SLC4A8: variants seen among roughly 807,000 people sequenced by gnomAD.
SLC4A8 encodes the protein electroneutral sodium bicarbonate exchanger 1.
Under a neutral mutation model 125.0 loss-of-function variants are expected in SLC4A8, and 40 were observed. The observed-to-expected ratio is 0.32, with a 90% CI of 0.25 to 0.42. The LOEUF (loss-of-function observed/expected upper bound fraction) is 0.42. Ranked by LOEUF, SLC4A8 falls within the 10% of genes least tolerant of loss-of-function variation. SLC4A8 has a pLI of 1.00. For missense variants in SLC4A8, 863 were observed against 1,355.1 expected, an observed-to-expected ratio of 0.64 and a Z score of 5.70; for synonymous variants, 456 against 476.0, an observed-to-expected ratio of 0.96 and a Z score of 0.55.
In SLC4A8 at chr12:51,474,645, C is replaced by T. The variant is rs373334121; in HGVS notation, c.2010+198C>T. ...TGTTAAGGGAGAAGATTACCCTTCT[C>T]TTTTCTCCCCCCTACATCCTACCCA... is the stretch of plus-strand genomic sequence containing the variant. On this transcript the variant is annotated intron_variant, in intron 15 of 24. Transcript: ENST00000453097. 3.8e-5 allele frequency: 36 copies of T among 952,148 alleles called. No homozygotes were observed. In the African/African-American group the frequency reaches 5.1e-4, roughly 13 times the overall value. 59.0% of individuals were successfully genotyped at this position (952,148 alleles called of 1,614,324 possible). A position where few individuals can be genotyped will look rare whatever the true frequency, so the allele number is the denominator to read the frequency against.
intron 1 of SLC4A8, among the ~76,000 whole-genome samples, chr12:51,426,988 G>C (rs577691019): frequency 6.7e-5 from 10 of 149,400 alleles, no homozygotes; most frequent in Non-Finnish European, 1.2e-4. Context: ...GCCCAGGCTG[G>C]AGTGCAGTGG....
intron 1 of SLC4A8, among the ~76,000 whole-genome samples, chr12:51,394,005 T>C (rs1592132378): frequency 6.6e-6 from 1 of 152,310 alleles, no homozygotes; most frequent in East Asian, 1.9e-4. Flanking sequence ...GGCTGAACAC[T>C]CCCTGTACAG....
At position 51,513,006 on chromosome 12, in the gene SLC4A8, G is replaced by A. The variant is rs1938418950; in HGVS notation, c.*5568G>A. The A allele has an allele frequency of 6.6e-6, 1 of 152,226 alleles. No individual in the cohort carries two copies. Among genetic ancestry groups the A allele is most frequent in the South Asian group, 2.1e-4 (1 of 4,832 alleles). 9.4% of individuals were successfully genotyped at this position (152,226 alleles called of 1,614,324 possible). The stretch of plus-strand genomic sequence containing the variant: ...GGGAGATTTCAGAAACAGTTTGAGT[G>A]TTGGCAGACCAATGCCCTGATAAGC... On this transcript the variant is annotated 3_prime_UTR_variant, in exon 25 of 25. Coordinates refer to ENST00000453097, the MANE Select transcript of SLC4A8 (RefSeq NM_001039960.3).
At chr12:51,399,091 A>G (rs757255517) in intron 1 of SLC4A8, among the ~76,000 whole-genome samples, 33 of 152,198 alleles carry the variant, frequency 2.2e-4, no homozygotes, top group Non-Finnish European at 4.6e-4. Context: ...CACAAATTTC[A>G]TTAGGATTGA....
At chr12:51,401,502 G>A (rs1948391634) in intron 1 of SLC4A8, among the ~76,000 whole-genome samples, 1 of 152,178 alleles carries the variant, frequency 6.6e-6, no homozygotes, top group Non-Finnish European at 1.5e-5. Context: ...CCGATGGCGT[G>A]CCAGCGTGCT....
intron 1 of SLC4A8, among the ~76,000 whole-genome samples, chr12:51,434,589 C>A (rs1365670266): frequency 6.6e-6 from 1 of 152,168 alleles, no homozygotes; most frequent in Non-Finnish European, 1.5e-5. Context: ...AGGAAACTAA[C>A]AAACAGCAAG....
At chr12:51,475,972 A>C (rs1424104754) in intron 16 of SLC4A8, among the ~76,000 whole-genome samples, 1 of 152,230 alleles carries the variant, frequency 6.6e-6, no homozygotes, top group Non-Finnish European at 1.5e-5. Context: ...CATATCAAAA[A>C]TATAAAAGGA....
intron 1 of SLC4A8, among the ~76,000 whole-genome samples, chr12:51,398,202 C>A (rs1948302282): frequency 6.6e-6 from 1 of 152,176 alleles, no homozygotes; most frequent in Non-Finnish European, 1.5e-5. Context: ...AGTTTATGAT[C>A]CTCAGAAAAG....
intron 2 of SLC4A8, chr12:51,441,206 C>T (rs541884943): frequency 2.0e-6 from 2 of 982,532 alleles, no homozygotes; most frequent in South Asian, 9.4e-5. Context: ...CTATTTTTAC[C>T]CCATTTCCAA....
At chr12:51,439,733 A>G (rs1361251191) in intron 1 of SLC4A8, among the ~76,000 whole-genome samples, 1 of 152,232 alleles carries the variant, frequency 6.6e-6, no homozygotes. Flanking sequence ...CTTGGTAAGA[A>G]AAGGGAACTA....
intron 2 of SLC4A8, among the ~76,000 whole-genome samples, chr12:51,447,962 G>A (rs1300576981): frequency 3.3e-5 from 5 of 151,432 alleles, no homozygotes; most frequent in African/African-American, 1.2e-4. Flanking sequence ...CTTGTGATCC[G>A]CCTGCCTCGG....
intron 1 of SLC4A8, among the ~76,000 whole-genome samples, chr12:51,438,802 T>G (rs1949500459): frequency 6.6e-6 from 1 of 152,244 alleles, no homozygotes; most frequent in South Asian, 2.1e-4. Flanking sequence ...ATATTTTGTC[T>G]TTTTGATAAT....
At chr12:51,433,269 T>C (rs1256213898) in intron 1 of SLC4A8, among the ~76,000 whole-genome samples, 1 of 152,232 alleles carries the variant, frequency 6.6e-6, no homozygotes, top group Non-Finnish European at 1.5e-5. Flanking sequence ...TTAACCCTCT[T>C]AGTTCTTTTT....
rs756237225 is a variant in SLC4A8, at chr12:51,485,789, A to G, written c.2175A>G (p.Val725=). The G allele has an allele frequency of 6.3e-6, 10 of 1,592,688 alleles. No homozygotes were observed. Among genetic ancestry groups the G allele is most frequent in the Middle Eastern group, 3.3e-4 (2 of 6,030 alleles). ...TGTCCACTTCTTTCTCATGCCAGGT[A>G]CGCTCCATGGTGAGTGACTTTGCTG... The part of the protein sequence containing the change: ...FKTSRYFPTR[V]RSMVSDFAVF... The change falls in exon 17 of 25, where the codon GTA becomes GTG. Residue 725 remains valine, a splice_region_variant and synonymous_variant. Transcript: ENST00000453097.
At chr12:51,474,656 C>G (rs557950401) in intron 15 of SLC4A8, 27 of 835,896 alleles carry the variant, frequency 3.2e-5, no homozygotes, top group Non-Finnish European at 4.1e-5. Flanking sequence ...TTTTCTCCCC[C>G]CTACATCCTA....
intron 1 of SLC4A8, among the ~76,000 whole-genome samples, chr12:51,400,028 C>G (rs1312898178): frequency 8.6e-5 from 13 of 150,860 alleles, no homozygotes; most frequent in Admixed American, 8.6e-4. Context: ...AAAGGTAGCA[C>G]AGAGGTACGA....
At chr12:51,457,311 A>AC (rs1225060865) in intron 5 of SLC4A8, 40 bp from the exon 6 acceptor site, 1 of 1,584,060 alleles carries the variant, frequency 6.3e-7, no homozygotes, top group East Asian at 2.2e-5. Flanking sequence ...GGGTTCATTA[A>AC]CCCTCAATCT....
intron 11 of SLC4A8, among the ~76,000 whole-genome samples, chr12:51,468,745 G>A (rs1348943010): frequency 6.6e-6 from 1 of 152,216 alleles, no homozygotes; most frequent in Non-Finnish European, 1.5e-5. Context: ...GGGCAACAGA[G>A]TGAGACTCCG....
At position 51,471,383 on chromosome 12, in the gene SLC4A8, T is replaced by C; in HGVS notation, c.1755T>C (p.Leu585=). 6.2e-7 allele frequency: 1 copy of C among 1,614,222 alleles called. No homozygotes were observed. The highest frequency in any genetic ancestry group is 1.7e-5 in the Admixed American group (1 of 60,030). The part of the protein sequence containing the change: ...IVLVATDASS[L]VCYITRFTEE... ...TTGTGGCAACTGATGCCAGTTCCCTTGTCTGCTACATTACCCGTTTCACTG... is the reference window on the plus strand; with the variant it reads ...TTGTGGCAACTGATGCCAGTTCCCTCGTCTGCTACATTACCCGTTTCACTG... The change falls in exon 14 of 25, where the codon CTT becomes CTC. Residue 585 remains leucine (L), a synonymous_variant. Coordinates refer to ENST00000453097, the MANE Select transcript of SLC4A8 (RefSeq NM_001039960.3).
Sources: allele counts gnomAD v4.1 joint callset (sites outside exome capture counted in the v4.1 genomes callset), GRCh38; gene constraint gnomAD v4.1.1; transcripts MANE v1.5; gene names NCBI Gene and HGNC (gene_info 2026-07-23, HGNC 2026-07-21).